Variants in MATN2 observed in about 807,000 individuals in gnomAD.
MATN2 encodes matrilin 2.
A neutral mutation model predicts 103.2 loss-of-function variants in MATN2; 69 were observed. The ratio of observed to expected loss-of-function variants is 0.67; its 90% CI spans 0.55 to 0.82. MATN2 has a LOEUF of 0.82. MATN2 is among the 40% of genes least tolerant of loss of function. The pLI is 0.00. For synonymous variants in MATN2, 429 were observed against 450.2 expected (o/e 0.95, Z 0.60); for missense variants, 1,023 against 1,211.5 (o/e 0.84, Z 2.31).
intron 2 of MATN2, among the ~76,000 whole-genome samples, chr8:97,891,209 G>A (rs1365359012): frequency 2.0e-5 from 3 of 152,194 alleles, no homozygotes; most frequent in African/African-American, 7.2e-5. Context: ...GAATCGGTGT[G>A]CAAAAGTAGA....
intron 13 of MATN2, among the ~76,000 whole-genome samples, chr8:98,026,682 G>A (rs571544791): frequency 1.3e-5 from 2 of 152,120 alleles, no homozygotes; most frequent in African/African-American, 4.8e-5. Flanking sequence ...CCAAGTATTG[G>A]GGGGTGGGGC....
intron 5 of MATN2, among the ~76,000 whole-genome samples, chr8:97,963,629 A>T (rs995088302): frequency 6.6e-5 from 10 of 152,016 alleles, no homozygotes; most frequent in African/African-American, 2.4e-4. Context: ...TTTATCGGAG[A>T]TGGGCGTTTC....
intron 10 of MATN2, among the ~76,000 whole-genome samples, chr8:98,013,316 G>A (rs1187322918): frequency 6.6e-6 from 1 of 152,194 alleles, no homozygotes; most frequent in African/African-American, 2.4e-5. Context: ...AATGTGAGTC[G>A]TGCATTTTGC....
At chr8:98,013,284 A>C (rs1044715742) in intron 10 of MATN2, among the ~76,000 whole-genome samples, 6 of 152,220 alleles carry the variant, frequency 3.9e-5, no homozygotes, top group African/African-American at 1.4e-4. Flanking sequence ...TGAAGGGCAG[A>C]AACTGGACAT....
chr8:97,983,409 T>C (rs1305938532), intron 6 of MATN2, among the ~76,000 whole-genome samples: 1 of 152,188 alleles, frequency 6.6e-6, no homozygotes, highest in Admixed American at 6.5e-5. Flanking sequence ...GCTGGTCCTA[T>C]GGTAGCAAGA....
At chr8:97,998,628 CGAG>C (rs1460593003) in intron 7 of MATN2, among the ~76,000 whole-genome samples, 5 of 149,542 alleles carry the variant, frequency 3.3e-5, no homozygotes, top group Admixed American at 1.3e-4. Context: ...GCTGCTGAAG[CGAG>C]AGCTTCAGCA....
In MATN2 at chr8:98,027,795, C is replaced by T. The variant is rs369605561; in HGVS notation, c.2322C>T (p.Asp774=). ...TCACCGACGGACGGGCTCAGGATGA[C>T]GTCTCCGAGTGGGCCAGTAAAGCCA... ...IVFTDGRAQD[D]VSEWASKAKA... The change falls in exon 14 of 19, where the codon GAC becomes GAT. Residue 774 remains aspartate, a synonymous_variant. Coordinates refer to ENST00000254898, the MANE Select transcript of MATN2 (RefSeq NM_002380.5). The T allele has an allele frequency of 4.6e-5, 74 of 1,591,562 alleles. No homozygotes were observed. In the African/African-American group the frequency reaches 5.6e-4, roughly 12 times the overall value.
chr8:97,901,699 C>T (rs1818989094), intron 2 of MATN2, among the ~76,000 whole-genome samples: 1 of 152,218 alleles, frequency 6.6e-6, no homozygotes, highest in South Asian at 2.1e-4. Context: ...ATCTGGCTCA[C>T]CACCAGTCAG....
chr8:97,927,060 A>G (rs1180163249), intron 2 of MATN2, among the ~76,000 whole-genome samples: 1 of 152,212 alleles, frequency 6.6e-6, no homozygotes, highest in African/African-American at 2.4e-5. Context: ...GCTTGTTAGA[A>G]ATGGAAACCT....
intron 2 of MATN2, among the ~76,000 whole-genome samples, chr8:97,919,463 C>T (rs150509394): frequency 0.017 from 2,522 of 152,262 alleles, 81 homozygotes; most frequent in African/African-American, 0.059. Flanking sequence ...AACTCTTGAC[C>T]TCAAGTGATC....
intron 6 of MATN2, among the ~76,000 whole-genome samples, chr8:97,983,202 A>G (rs1812083611): frequency 6.6e-6 from 1 of 152,204 alleles, no homozygotes; most frequent in Non-Finnish European, 1.5e-5. Context: ...GTGTTGTAGT[A>G]TATATCAGAA....
At chr8:97,921,499 G>A (rs560478421) in intron 2 of MATN2, among the ~76,000 whole-genome samples, 1 of 152,302 alleles carries the variant, frequency 6.6e-6, no homozygotes, top group African/African-American at 2.4e-5. Context: ...ATTATTTCCT[G>A]GACAAGGACC....
chr8:98,035,970 T>C lies in MATN2; in HGVS notation c.*258T>C. ...TGAATAAGCTATGCAAGGTATTTTG[T>C]AATATACTGTGGACACAACTTGCTT... On this transcript the variant is annotated 3_prime_UTR_variant, in exon 19 of 19. Transcript: ENST00000254898. The C allele has an allele frequency of 3.0e-6, 1 of 332,336 alleles. No homozygotes were observed. The highest frequency in any genetic ancestry group is 5.4e-6 in the Non-Finnish European group (1 of 184,728). 20.6% of individuals were successfully genotyped at this position (332,336 alleles called of 1,614,324 possible). A position where few individuals can be genotyped will look rare whatever the true frequency, so the allele number is the denominator to read the frequency against.
intron 1 of MATN2, among the ~76,000 whole-genome samples, chr8:97,878,851 CA>C (rs200870362): frequency 8.9e-5 from 13 of 145,664 alleles, no homozygotes; most frequent in Non-Finnish European, 9.1e-5. Context: ...AACTCCATCT[CA>C]AAAAAAAAAG....
intron 2 of MATN2, among the ~76,000 whole-genome samples, chr8:97,923,974 C>G (rs993340451): frequency 6.6e-6 from 1 of 152,212 alleles, no homozygotes; most frequent in Non-Finnish European, 1.5e-5. Context: ...TATTCCAACT[C>G]CAACAATTCT....
intron 7 of MATN2, among the ~76,000 whole-genome samples, chr8:97,995,808 T>A (rs895303512): frequency 9.2e-5 from 14 of 152,242 alleles, no homozygotes; most frequent in Non-Finnish European, 1.5e-4. Context: ...ACGGAGCCTG[T>A]CTTATAAAAC....
At chr8:97,926,405 AC>A (rs1809992025) in intron 2 of MATN2, among the ~76,000 whole-genome samples, 1 of 152,324 alleles carries the variant, frequency 6.6e-6, no homozygotes, top group South Asian at 2.1e-4. Flanking sequence ...GAAGCTTTTC[AC>A]AGCAAATGTT....
chr8:97,921,768 C>T (rs1012039504), intron 2 of MATN2, among the ~76,000 whole-genome samples: 1 of 152,154 alleles, frequency 6.6e-6, no homozygotes, highest in East Asian at 1.9e-4. Flanking sequence ...GTCGCACGGT[C>T]GTCTTTGCTC....
At chr8:98,033,289 G>C in intron 17 of MATN2, 113 bp downstream of exon 17, 1 of 953,218 alleles carries the variant, frequency 1.0e-6, no homozygotes, top group East Asian at 2.7e-5. Flanking sequence ...TAGTATAGAG[G>C]AAAAGAGAAG....
Sources: allele counts gnomAD v4.1 joint callset (sites outside exome capture counted in the v4.1 genomes callset), GRCh38; gene constraint gnomAD v4.1.1; transcripts MANE v1.5; gene names NCBI Gene and HGNC (gene_info 2026-07-23, HGNC 2026-07-21).